The following NKAIN2 variants were observed in gnomAD, a reference collection of about 807,000 sequenced individuals.
The protein encoded by NKAIN2 is sodium/potassium-transporting ATPase subunit beta-1-interacting protein 2.
In NKAIN2, 14 loss-of-function variants were observed where a neutral mutation model predicts 32.6. The ratio of observed to expected loss-of-function variants is 0.43; its 90% CI spans 0.28 to 0.67. The LOEUF is 0.67. NKAIN2 is among the 30% of genes least tolerant of loss of function. The pLI is 0.17. For missense variants in NKAIN2, 198 were observed against 258.3 expected (o/e 0.77, Z 1.60); for synonymous variants, 80 against 87.2 (o/e 0.92, Z 0.46).
intron 1 of NKAIN2, among the ~76,000 whole-genome samples, chr6:124,129,898 G>T (rs138936890): frequency 6.6e-6 from 1 of 152,108 alleles, no homozygotes; most frequent in Non-Finnish European, 1.5e-5. Flanking sequence ...GATTATAGGC[G>T]TGAGCCACCC....
In NKAIN2 at chr6:124,348,180, G is replaced by T. The variant is rs190079111; in HGVS notation, c.193-7087G>T. On this transcript the variant is annotated intron_variant, in intron 2 of 6. Transcript: ENST00000368417. ...TCGTGATCCGCGAATGCTGCTGTCTGCTTGTTCCTCTGGAAGTTTTGTCTC... is the reference window on the plus strand; with the variant it reads ...TCGTGATCCGCGAATGCTGCTGTCTTCTTGTTCCTCTGGAAGTTTTGTCTC... Among the ~76,000 whole-genome samples, 27 of 152,250 alleles carry T rather than the reference G, an allele frequency of 1.8e-4. No homozygotes were observed. In the East Asian group the frequency reaches 5.2e-3, roughly 30 times the overall value.
chr6:124,811,620 A>G lies in NKAIN2; in HGVS notation c.536-6767A>G, dbSNP rs114468795. Among the ~76,000 whole-genome samples the G allele has an allele frequency of 4.5e-3, 693 of 152,308 alleles. 5 individuals carry two copies. The highest frequency in any genetic ancestry group is 0.016 in the African/African-American group (660 of 41,562). ...AAATAATTGCACCTACAATTATTAC[A>G]GTACATCCACTGACCCTACCCATAG... On this transcript the variant is annotated intron_variant, in intron 5 of 6. Transcript: ENST00000368417.
chr6:123,860,216 G>A (rs6939886), intron 1 of NKAIN2, among the ~76,000 whole-genome samples: 81,967 of 151,774 alleles, frequency 0.54, 23,151 homozygotes, highest in South Asian at 0.73. Context: ...CTCACCCACA[G>A]GCTGAGGCAG....
chr6:124,714,435 C>T (rs1477663043), intron 4 of NKAIN2, among the ~76,000 whole-genome samples: 1 of 152,160 alleles, frequency 6.6e-6, no homozygotes, highest in Admixed American at 6.6e-5. Flanking sequence ...TGCTACAATC[C>T]ACTTCATGCT....
intron 4 of NKAIN2, among the ~76,000 whole-genome samples, chr6:124,776,828 T>C (rs1005894546): frequency 6.6e-6 from 1 of 152,208 alleles, no homozygotes; most frequent in East Asian, 1.9e-4. Flanking sequence ...CAATTGTTCA[T>C]ATATTTTTGT....
chr6:124,760,806 C>G (rs979481188), intron 4 of NKAIN2, among the ~76,000 whole-genome samples: 5 of 152,164 alleles, frequency 3.3e-5, no homozygotes, highest in Non-Finnish European at 7.3e-5. Context: ...TCACTTCACC[C>G]TGAAATCTTG....
chr6:124,717,499 A>G (rs1190458473), intron 4 of NKAIN2, among the ~76,000 whole-genome samples: 1 of 152,198 alleles, frequency 6.6e-6, no homozygotes, highest in Non-Finnish European at 1.5e-5. Context: ...CTTTTGGCAT[A>G]ACTAAAAAAC....
chr6:124,570,913 G>C (rs899885918), intron 3 of NKAIN2, among the ~76,000 whole-genome samples: 2 of 152,184 alleles, frequency 1.3e-5, no homozygotes, highest in Non-Finnish European at 2.9e-5. Context: ...TGTGAAAGCA[G>C]CCAGGAGGGA....
intron 4 of NKAIN2, among the ~76,000 whole-genome samples, chr6:124,684,373 C>A (rs949170863): frequency 3.3e-5 from 5 of 152,128 alleles, no homozygotes; most frequent in African/African-American, 1.2e-4. Context: ...AATGCAAATT[C>A]TCAGGCTCCA....
At chr6:124,642,298 A>G (rs1784022964) in intron 3 of NKAIN2, among the ~76,000 whole-genome samples, 1 of 152,212 alleles carries the variant, frequency 6.6e-6, no homozygotes, top group Non-Finnish European at 1.5e-5. Flanking sequence ...ATCTTGAACA[A>G]TATAATTTGC....
intron 3 of NKAIN2, among the ~76,000 whole-genome samples, chr6:124,550,606 G>C (rs1326637267): frequency 6.6e-6 from 1 of 152,136 alleles, no homozygotes; most frequent in Non-Finnish European, 1.5e-5. Flanking sequence ...TGACTTTTAA[G>C]ATGAAAGGTA....
chr6:124,315,213 A>T (rs1796896233), intron 2 of NKAIN2, among the ~76,000 whole-genome samples: 2 of 152,128 alleles, frequency 1.3e-5, no homozygotes, highest in African/African-American at 4.8e-5. Flanking sequence ...CAGATCAACA[A>T]GTCTTGCATC....
intron 1 of NKAIN2, among the ~76,000 whole-genome samples, chr6:124,142,053 G>A (rs1215284070): frequency 6.6e-6 from 1 of 152,136 alleles, no homozygotes; most frequent in Non-Finnish European, 1.5e-5. Flanking sequence ...TAACATCCCA[G>A]GCAGTATCTT....
At chr6:123,864,274 C>T (rs1051196183) in intron 1 of NKAIN2, among the ~76,000 whole-genome samples, 2 of 152,150 alleles carry the variant, frequency 1.3e-5, no homozygotes, top group African/African-American at 2.4e-5. Flanking sequence ...GGCAGGATGA[C>T]GTGGATAACT....
At chr6:124,076,735 G>A (rs1783714072) in intron 1 of NKAIN2, among the ~76,000 whole-genome samples, 1 of 152,198 alleles carries the variant, frequency 6.6e-6, no homozygotes. Context: ...CAAGAAAGGT[G>A]AGCCTTCTGC....
intron 3 of NKAIN2, among the ~76,000 whole-genome samples, chr6:124,473,981 A>G (rs1303898386): frequency 6.6e-6 from 1 of 152,190 alleles, no homozygotes; most frequent in Admixed American, 6.6e-5. Flanking sequence ...TTTCAGCCAC[A>G]TGTATGTATA....
chr6:124,761,183 C>T (rs1376013539), intron 4 of NKAIN2, among the ~76,000 whole-genome samples: 2 of 152,274 alleles, frequency 1.3e-5, no homozygotes, highest in South Asian at 2.1e-4. Flanking sequence ...AACCAACTTT[C>T]AAACCTTGTT....
Position 124,407,441 on chromosome 6 carries a change from C to T in NKAIN2, c.273+52094C>T, listed in dbSNP as rs367911185. 3.5e-4 allele frequency among the ~76,000 whole-genome samples: 52 copies of T among 150,646 alleles called. 1 individual carries two copies. In the South Asian group the frequency reaches 8.5e-3, roughly 24 times the overall value. On this transcript the variant is annotated intron_variant, in intron 3 of 6. Transcript: ENST00000368417. Reference sequence around the variant, plus strand: ...ATTCCCACCTATGAGTGAGAACATGCGGTGTTTGGTTTTTTGTCCTTGCAA... The same window carrying T: ...ATTCCCACCTATGAGTGAGAACATGTGGTGTTTGGTTTTTTGTCCTTGCAA...
At chr6:124,597,021 G>C (rs1023631910) in intron 3 of NKAIN2, among the ~76,000 whole-genome samples, 3 of 152,100 alleles carry the variant, frequency 2.0e-5, no homozygotes, top group Admixed American at 6.6e-5. Flanking sequence ...CAGCCTTTTG[G>C]TTCTAATCAG....
Sources: gnomAD v4.1 joint callset for allele counts (sites outside exome capture counted in the v4.1 genomes callset) on GRCh38, gnomAD v4.1.1 for gene constraint, MANE v1.5 for transcripts, NCBI Gene and HGNC (gene_info 2026-07-23, HGNC 2026-07-21) for gene names.